Variants in UNC5B observed in about 807,000 individuals in gnomAD.
UNC5B encodes the protein netrin receptor UNC5B.
UNC5B carries 56 observed loss-of-function variants against 103.7 expected under a neutral mutation model. The ratio of observed to expected loss-of-function variants is 0.54; its 90% CI spans 0.44 to 0.67. UNC5B has a LOEUF of 0.67. UNC5B is among the 30% of genes least tolerant of loss of function. The pLI is 0.00. For missense variants in UNC5B, 1,194 were observed against 1,284.5 expected (o/e 0.93, Z 1.08); for synonymous variants, 577 against 542.0 (o/e 1.06, Z -0.90).
At chr10:71,254,879 T>A (rs574709797) in intron 1 of UNC5B, among the ~76,000 whole-genome samples, 1 of 152,366 alleles carries the variant, frequency 6.6e-6, no homozygotes, top group Admixed American at 6.5e-5. Context: ...TGTTTGTTTG[T>A]TTCTACAGTC....
intron 1 of UNC5B, among the ~76,000 whole-genome samples, chr10:71,226,160 T>C (rs1214953260): frequency 1.3e-5 from 2 of 152,176 alleles, no homozygotes; most frequent in South Asian, 2.1e-4. Flanking sequence ...CTGCAATCTC[T>C]GCCTCCCAGG....
chr10:71,285,646 C>T (rs1434139542), intron 4 of UNC5B, among the ~76,000 whole-genome samples: 2 of 151,678 alleles, frequency 1.3e-5, no homozygotes, highest in East Asian at 1.9e-4. Flanking sequence ...CATAACCCCA[C>T]GGGATGGGGT....
intron 1 of UNC5B, among the ~76,000 whole-genome samples, chr10:71,244,600 G>A (rs778618606): frequency 1.4e-4 from 21 of 152,202 alleles, no homozygotes; most frequent in Non-Finnish European, 2.9e-4. Context: ...CCGGGGAGCA[G>A]GTGGAAGGAA....
Position 71,213,156 on chromosome 10 carries a change from G to A in UNC5B, c.79+92G>A. On this transcript the variant is annotated intron_variant, in intron 1 of 16. Transcript: ENST00000335350. The surrounding 1 kb of genome is among the most constrained non-coding windows in gnomAD (Gnocchi z 4.1). ...TGAGGTGGTCTTTCGTCGCATCGAT[G>A]CGCGCAGGAAAAGCGGCAAGGGCGC... 9.2e-7 allele frequency: 1 copy of A among 1,084,430 alleles called. No homozygotes were observed. The highest frequency in any genetic ancestry group is 1.2e-6 in the Non-Finnish European group (1 of 849,782). 67.2% of individuals were successfully genotyped at this position (1,084,430 alleles called of 1,614,324 possible).
chr10:71,234,315 A>C (rs1264153216), intron 1 of UNC5B, among the ~76,000 whole-genome samples: 1 of 152,190 alleles, frequency 6.6e-6, no homozygotes, highest in Non-Finnish European at 1.5e-5. Context: ...ATGAGGCTTC[A>C]TTCTTGAGAT....
In UNC5B at chr10:71,213,153, G is replaced by A; in HGVS notation, c.79+89G>A. On this transcript the variant is annotated intron_variant, in intron 1 of 16. Coordinates refer to ENST00000335350, the MANE Select transcript of UNC5B (RefSeq NM_170744.5). This position sits in a 1 kb window ranked among gnomAD's most constrained non-coding sequence, Gnocchi z 4.1. ...AGTTGAGGTGGTCTTTCGTCGCATC[G>A]ATGCGCGCAGGAAAAGCGGCAAGGG... The A allele has an allele frequency of 9.2e-7, 1 of 1,088,148 alleles. No individual in the cohort carries two copies. The highest frequency in any genetic ancestry group is 1.2e-6 in the Non-Finnish European group (1 of 853,116). 67.4% of individuals were successfully genotyped at this position (1,088,148 alleles called of 1,614,324 possible).
chr10:71,287,438 C>T (rs1845117275), intron 5 of UNC5B, among the ~76,000 whole-genome samples, 160 bp from the exon 6 acceptor site: 1 of 152,124 alleles, frequency 6.6e-6, no homozygotes, highest in Non-Finnish European at 1.5e-5. Flanking sequence ...TACAGCCCAG[C>T]TCTATCTGCC....
chr10:71,228,072 G>A (rs1484529891), intron 1 of UNC5B, among the ~76,000 whole-genome samples: 1 of 152,194 alleles, frequency 6.6e-6, no homozygotes, highest in Non-Finnish European at 1.5e-5. Context: ...CGGAAATACA[G>A]TACATAACAA....
At chr10:71,292,200 T>C (rs1369280236) in intron 10 of UNC5B, among the ~76,000 whole-genome samples, 2 of 152,154 alleles carry the variant, frequency 1.3e-5, no homozygotes, top group African/African-American at 4.8e-5. Flanking sequence ...CCCAGCATCA[T>C]ATACTAAGCT....
intron 16 of UNC5B, among the ~76,000 whole-genome samples, chr10:71,298,362 C>G (rs1428691540): frequency 1.3e-5 from 2 of 152,218 alleles, no homozygotes; most frequent in African/African-American, 4.8e-5. Flanking sequence ...AATGCTCCAC[C>G]TGCCCATCTC....
intron 1 of UNC5B, among the ~76,000 whole-genome samples, chr10:71,246,431 G>A (rs1467198180): frequency 6.6e-6 from 1 of 152,102 alleles, no homozygotes; most frequent in Admixed American, 6.5e-5. Context: ...TGAGGGAGGT[G>A]GGGCTGAATC....
intron 8 of UNC5B, among the ~76,000 whole-genome samples, chr10:71,289,281 A>G (rs1244209490): frequency 6.6e-6 from 1 of 152,248 alleles, no homozygotes; most frequent in Non-Finnish European, 1.5e-5. Flanking sequence ...GACACAGGCA[A>G]GAAATAGTAG....
chr10:71,239,194 A>G (rs1011863478), intron 1 of UNC5B, among the ~76,000 whole-genome samples: 2 of 152,152 alleles, frequency 1.3e-5, no homozygotes, highest in Non-Finnish European at 2.9e-5. Flanking sequence ...CTCAGCTAGT[A>G]GATACCTTAG....
intron 16 of UNC5B, among the ~76,000 whole-genome samples, chr10:71,298,866 T>G (rs1262205871): frequency 1.3e-5 from 2 of 152,206 alleles, no homozygotes; most frequent in Admixed American, 1.3e-4. Context: ...TTATATGATC[T>G]TGGATCTTGC....
chr10:71,239,263 C>T (rs746162179), intron 1 of UNC5B, among the ~76,000 whole-genome samples: 21 of 152,234 alleles, frequency 1.4e-4, no homozygotes, highest in African/African-American at 1.7e-4. Context: ...GTTTTAGCAG[C>T]GGCCTTGGGA....
rs186242135 is a variant in UNC5B at position 71,214,645 on chromosome 10, G to A, written c.79+1581G>A. On this transcript the variant is annotated intron_variant, in intron 1 of 16. Coordinates refer to ENST00000335350, the MANE Select transcript of UNC5B (RefSeq NM_170744.5). ...CATGGGCAGGGTTGTGTCTTGGGAA[G>A]CTGCTTTTGTACCAGCAGGACAGTG... 2.5e-3 allele frequency among the ~76,000 whole-genome samples: 380 copies of A among 152,220 alleles called. 4 individuals are homozygous for A. The highest frequency in any genetic ancestry group is 1.2e-3 in the Non-Finnish European group (85 of 68,006).
intron 1 of UNC5B, among the ~76,000 whole-genome samples, chr10:71,266,953 A>G (rs1324382888): frequency 1.3e-5 from 2 of 152,058 alleles, no homozygotes; most frequent in African/African-American, 4.8e-5. Context: ...GGGTGTCCAC[A>G]CTGTATACAC....
chr10:71,291,376 G>C (rs1845249931), intron 9 of UNC5B, 56 bp from the exon 10 acceptor site: 1 of 1,534,054 alleles, frequency 6.5e-7, no homozygotes, highest in Admixed American at 2.0e-5. Flanking sequence ...TGCAGTGGGA[G>C]CTGGGCCAGT....
At chr10:71,294,094 G>A (rs1438476595) in intron 13 of UNC5B, among the ~76,000 whole-genome samples, 161 bp downstream of exon 13, 1 of 152,138 alleles carries the variant, frequency 6.6e-6, no homozygotes, top group Non-Finnish European at 1.5e-5. Flanking sequence ...ACAGCCTTGG[G>A]CACAGGGCCT....
Sources: allele counts gnomAD v4.1 joint callset (sites outside exome capture counted in the v4.1 genomes callset), GRCh38; gene constraint gnomAD v4.1.1; non-coding constraint Gnocchi (gnomAD v3.1); transcripts MANE v1.5; gene names NCBI Gene and HGNC (gene_info 2026-07-23, HGNC 2026-07-21).